FAM149A: variants seen among roughly 807,000 people sequenced by gnomAD.
FAM149A encodes family with sequence similarity 149 member A, also known as protein FAM149A.
Under a neutral mutation model 78.2 loss-of-function variants are expected in FAM149A, and 71 were observed. The observed-to-expected ratio is 0.91, with a 90% CI of 0.75 to 1.11. FAM149A has a LOEUF of 1.11. Ranked by LOEUF, FAM149A falls within the 50% of genes least tolerant of loss-of-function variation. The probability of loss-of-function intolerance (pLI) is 0.00; values close to 1 mark genes in which losing one functional copy is unlikely to be tolerated. For missense variants in FAM149A, 1,036 were observed against 971.0 expected (o/e 1.07, Z -0.89); for synonymous variants, 446 against 410.5 (o/e 1.09, Z -1.04).
intron 1 of FAM149A, chr4:186,109,443 A>G: frequency 1.0e-6 from 1 of 977,990 alleles, no homozygotes; most frequent in Non-Finnish European, 1.2e-6. Flanking sequence ...GATTCCTCTG[A>G]CACTGAGGCA....
rs376803540 is a variant in FAM149A, at chr4:186,160,437, CAT to C, written c.1576-2403_1576-2402del. Among the ~76,000 whole-genome samples, 3 of 146,588 alleles carry C rather than the reference CAT, an allele frequency of 2.0e-5. No individual in the cohort carries two copies. The South Asian group carries it at 6.5e-4, about 32-fold the overall frequency. ...CCACATAAACACACCACACACCAAA[CAT>C]ATATCCCACACAAACACACCACACA... On this transcript the variant is annotated intron_variant, in intron 8 of 13. Transcript: ENST00000389354.
At chr4:186,118,431 G>A (rs2099314628) in intron 1 of FAM149A, 1 of 154,532 alleles carries the variant, frequency 6.5e-6, no homozygotes, top group South Asian at 2.0e-4. Flanking sequence ...CTTTATGTCT[G>A]TTGACTCTAA....
In FAM149A at chr4:186,105,551, GC is replaced by G; in HGVS notation, c.480del (p.Ala162LeufsTer42). 1 of 1,133,436 alleles carries G rather than the reference GC, an allele frequency of 8.8e-7. No homozygotes were observed. The highest frequency in any genetic ancestry group is 1.1e-6 in the Non-Finnish European group (1 of 919,420). 70.2% of individuals were successfully genotyped at this position (1,133,436 alleles called of 1,614,324 possible). A position where few individuals can be genotyped will look rare whatever the true frequency, so the allele number is the denominator to read the frequency against. On this transcript the variant is annotated frameshift_variant, in exon 1 of 14. Coordinates refer to ENST00000389354, the MANE Select transcript of FAM149A (RefSeq NM_001367768.3). LOFTEE classifies it high-confidence loss of function. ...AGAGCGAGAGCTCGGCGCCTGCGTG[GC>G]CCCCGGGGCTGGCCCCAGAACCCTG...
intron 10 of FAM149A, 113 bp downstream of exon 10, chr4:186,163,746 T>C: frequency 3.9e-6 from 3 of 770,118 alleles, no homozygotes; most frequent in Non-Finnish European, 6.6e-6. Context: ...TTTACATAGA[T>C]GCTTTTCTAA....
chr4:186,119,644 A>G (rs1270414506), intron 1 of FAM149A, among the ~76,000 whole-genome samples: 2 of 152,214 alleles, frequency 1.3e-5, no homozygotes, highest in African/African-American at 2.4e-5. Context: ...TGGAACTTCT[A>G]TATAATGTCA....
chr4:186,133,238 T>C lies in FAM149A; in HGVS notation c.567-15935T>C, dbSNP rs529739712. On this transcript the variant is annotated intron_variant, in intron 1 of 13. Transcript: ENST00000389354. ...GAATTTATTTTAACAATTTTAAGTG[T>C]ACCATTTAGTGGCATTAAGTACCAC... 8 of 965,374 alleles carry C rather than the reference T, an allele frequency of 8.3e-6. No homozygotes were observed. In the South Asian group the frequency reaches 3.4e-4, roughly 40 times the overall value. The allele number at this position is 965,374 out of a possible 1,614,324, so 59.8% of individuals were successfully genotyped here. A position where few individuals can be genotyped will look rare whatever the true frequency, so the allele number is the denominator to read the frequency against.
chr4:186,116,851 T>TTGGATAACACTCTTCCCTCATG, intron 1 of FAM149A: 1 of 733,792 alleles, frequency 1.4e-6, no homozygotes, highest in Non-Finnish European at 1.7e-6. Flanking sequence ...ATGGCCCTTG[T>TTGGATAACACTCTTCCCTCATG]GCCAAGCTCA....
At chr4:186,127,722 G>C (rs1418605725) in intron 1 of FAM149A, 1 of 974,110 alleles carries the variant, frequency 1.0e-6, no homozygotes, top group East Asian at 1.1e-4. Flanking sequence ...TTATGCTCTT[G>C]TCACCCAGGC....
intron 13 of FAM149A, among the ~76,000 whole-genome samples, chr4:186,167,832 G>C (rs1196473858): frequency 1.3e-5 from 2 of 152,110 alleles, no homozygotes; most frequent in African/African-American, 4.8e-5. Flanking sequence ...GTCTGACGTT[G>C]GATTTCCACC....
intron 1 of FAM149A, chr4:186,116,892 C>T (rs1389761460): frequency 3.1e-6 from 1 of 321,270 alleles, no homozygotes; most frequent in Non-Finnish European, 4.5e-6. Flanking sequence ...TTGAACCCTT[C>T]AGCATTGCGT....
At chr4:186,165,248 C>G (rs753241221) in intron 10 of FAM149A, 96 bp from the exon 11 acceptor site, 2 of 1,400,402 alleles carry the variant, frequency 1.4e-6, no homozygotes, top group South Asian at 1.2e-5. Context: ...GTGCCCCTCA[C>G]GCAGAAACAT....
chr4:186,171,792 A>G, intron 13 of FAM149A, 122 bp from the exon 14 acceptor site: 1 of 696,054 alleles, frequency 1.4e-6, no homozygotes. Flanking sequence ...TAATTTATAC[A>G]AAAGTGTATT....
At chr4:186,171,513 A>AG (rs747259370) in intron 13 of FAM149A, among the ~76,000 whole-genome samples, 4 of 152,180 alleles carry the variant, frequency 2.6e-5, no homozygotes, top group Admixed American at 1.3e-4. Flanking sequence ...TTTCTGTGAT[A>AG]GAAAAAAAAA....
intron 1 of FAM149A, among the ~76,000 whole-genome samples, chr4:186,142,775 C>G (rs1260726393): frequency 1.3e-5 from 2 of 152,184 alleles, no homozygotes; most frequent in Non-Finnish European, 1.5e-5. Context: ...GCCTCCACAC[C>G]AGACCACCCT....
chr4:186,127,237 T>C (rs953442865), intron 1 of FAM149A: 1 of 962,808 alleles, frequency 1.0e-6, no homozygotes, highest in Non-Finnish European at 1.2e-6. Flanking sequence ...ATTTTCACCC[T>C]GCATGCCCAC....
intron 2 of FAM149A, 98 bp downstream of exon 2, chr4:186,149,381 A>G (rs1733293434): frequency 8.5e-7 from 1 of 1,180,446 alleles, no homozygotes; most frequent in Non-Finnish European, 1.1e-6. Context: ...TAAAAGTAAG[A>G]TGCAGTTTTA....
At position 186,144,713 on chromosome 4, in the gene FAM149A, G is replaced by A. The variant is rs962801225; in HGVS notation, c.567-4460G>A. 8.3e-5 allele frequency: 60 copies of A among 720,744 alleles called. No individual in the cohort carries two copies. The highest frequency in any genetic ancestry group is 9.7e-5 in the Non-Finnish European group (59 of 606,558). 44.6% of individuals were successfully genotyped at this position (720,744 alleles called of 1,614,324 possible). ...GGAGCGGGGAAGGCGCGCTTTCCCG[G>A]AGGTCGGCGCGGGGCCGGGGCCGGG... On this transcript the variant is annotated intron_variant, in intron 1 of 13. Coordinates refer to ENST00000389354, the MANE Select transcript of FAM149A (RefSeq NM_001367768.3). This position sits in a 1 kb window ranked among gnomAD's most constrained non-coding sequence, Gnocchi z 4.2.
chr4:186,167,157 T>G (rs762024318), intron 12 of FAM149A, 27 bp from the exon 13 acceptor site: 7 of 1,606,384 alleles, frequency 4.4e-6, no homozygotes. Flanking sequence ...ATGAAACTTG[T>G]CCCTGATTTT....
At chr4:186,109,818 G>A in intron 1 of FAM149A, 2 of 985,216 alleles carry the variant, frequency 2.0e-6, no homozygotes, top group Non-Finnish European at 2.4e-6. Flanking sequence ...GTGTCTTTTA[G>A]TTCAGTTATT....
Sources: allele counts gnomAD v4.1 joint callset (sites outside exome capture counted in the v4.1 genomes callset), GRCh38; gene constraint gnomAD v4.1.1; non-coding constraint Gnocchi (gnomAD v3.1); transcripts MANE v1.5; gene names NCBI Gene and HGNC (gene_info 2026-07-23, HGNC 2026-07-21).